The following ZNF367 variants were observed in gnomAD, a reference collection of about 807,000 sequenced individuals.
The protein encoded by ZNF367 is C2H2 zinc finger protein ZFF29.
ZNF367 carries 11 observed loss-of-function variants against 31.8 expected under a neutral mutation model. The observed-to-expected ratio is 0.35, with a 90% confidence interval of 0.22 to 0.57. ZNF367 has a LOEUF of 0.57. Ranked by LOEUF, ZNF367 falls within the 20% of genes least tolerant of loss-of-function variation. The pLI is 0.85. For missense variants in ZNF367, 353 were observed against 484.1 expected, an observed-to-expected ratio of 0.73 and a Z score of 2.54; for synonymous variants, 199 against 202.4, an observed-to-expected ratio of 0.98 and a Z score of 0.14.
At position 96,408,223 on chromosome 9, in the gene ZNF367, T is replaced by TA. The variant is rs1564143951; in HGVS notation, c.420+9389dup. On this transcript the variant is annotated intron_variant, in intron 1 of 4. Coordinates refer to ENST00000375256, the MANE Select transcript of ZNF367 (RefSeq NM_153695.4). ...ACTTAAAGTATAATAAATAAATAAA[T>TA]AATAAATATTTTTTAAAAAACAATG... 1.5e-4 allele frequency among the ~76,000 whole-genome samples: 23 copies of TA among 152,044 alleles called. No individual in the cohort carries two copies. The South Asian group carries it at 4.8e-3, about 32-fold the overall frequency.
At position 96,405,314 on chromosome 9, in the gene ZNF367, C is replaced by CAAAAAA. The variant is rs975848691; in HGVS notation, c.421-7006_421-7001dup. Among the ~76,000 whole-genome samples the CAAAAAA allele has an allele frequency of 2.2e-4, 12 of 55,124 alleles. 1 individual carries two copies. The highest frequency in any genetic ancestry group is 6.7e-4 in the African/African-American group (10 of 14,912). The allele number at this position is 55,124 out of a possible 152,430, so 36.2% of individuals were successfully genotyped here. ...TGGCCAACTAAGCAAAACTCTGTCT[C>CAAAAAA]AAAAAAAAAAAAAAAAAAAAAAATC... On this transcript the variant is annotated intron_variant, in intron 1 of 4. Transcript: ENST00000375256.
At position 96,417,835 on chromosome 9, in the gene ZNF367, G is replaced by T. The variant is rs746257910; in HGVS notation, c.198C>A (p.Phe66Leu). 1 of 1,490,376 alleles carries T rather than the reference G, an allele frequency of 6.7e-7. No homozygotes were observed. Among genetic ancestry groups the T allele is most frequent in the Non-Finnish European group, 8.9e-7 (1 of 1,128,620 alleles). The allele number at this position is 1,490,376 out of a possible 1,614,324, so 92.3% of individuals were successfully genotyped here. ...LIPTSPGFSD[F>L]MVYPWRWGEN... ...CGCCCCAGCGCCACGGGTACACCAT[G>T]AAGTCGCTGAAGCCGGGGCTGGTGG... Residue 66 changes from phenylalanine (F) to leucine (L), a missense_variant, in exon 1 of 5, where the codon TTC (phenylalanine) becomes TTA (leucine). Transcript: ENST00000375256. The surrounding 1 kb of genome is among the most constrained non-coding windows in gnomAD (Gnocchi z 5.0).
At chr9:96,403,845 T>C (rs897443992) in intron 1 of ZNF367, among the ~76,000 whole-genome samples, 9 of 152,194 alleles carry the variant, frequency 5.9e-5, no homozygotes, top group African/African-American at 1.7e-4. Context: ...TACCTTACAC[T>C]ATATACAAAA....
chr9:96,404,456 G>A (rs554864649), intron 1 of ZNF367, among the ~76,000 whole-genome samples: 3 of 152,192 alleles, frequency 2.0e-5, no homozygotes, highest in East Asian at 3.9e-4. Context: ...AGCCGGGCGC[G>A]GTGGCGGGCA....
intron 1 of ZNF367, among the ~76,000 whole-genome samples, chr9:96,416,078 T>TG (rs1174536992): frequency 7.0e-6 from 1 of 142,608 alleles, no homozygotes; most frequent in Non-Finnish European, 1.5e-5. Flanking sequence ...TATGGTTTTT[T>TG]TTTTTGTTGT....
chr9:96,398,604 C>T (rs1479740929), intron 1 of ZNF367, among the ~76,000 whole-genome samples: 5 of 152,282 alleles, frequency 3.3e-5, no homozygotes, highest in Non-Finnish European at 5.9e-5. Context: ...CATCCCTCCA[C>T]AGATGACTAA....
Position 96,387,933 on chromosome 9 carries a change from TGA to T in ZNF367, c.*302_*303del. The T allele has an allele frequency of 3.2e-6, 1 of 308,486 alleles. No homozygotes were observed. Among genetic ancestry groups the T allele is most frequent in the Non-Finnish European group, 5.9e-6 (1 of 168,922 alleles). 19.1% of individuals were successfully genotyped at this position (308,486 alleles called of 1,614,324 possible). A position where few individuals can be genotyped will look rare whatever the true frequency, so the allele number is the denominator to read the frequency against. ...TGTCTTATTCAGAAAGTGCTTCCTG[TGA>T]GAACTGCTTCCAATGAATGCATTAA... On this transcript the variant is annotated 3_prime_UTR_variant, in exon 5 of 5. Coordinates refer to ENST00000375256, the MANE Select transcript of ZNF367 (RefSeq NM_153695.4).
intron 1 of ZNF367, among the ~76,000 whole-genome samples, chr9:96,407,986 A>AATAC (rs1266731163): frequency 1.2e-5 from 1 of 82,154 alleles, no homozygotes; most frequent in Non-Finnish European, 2.3e-5. Flanking sequence ...ACACAAAATA[A>AATAC]ATAAATAAAT....
chr9:96,416,840 A>T (rs140333049), intron 1 of ZNF367, among the ~76,000 whole-genome samples: 24 of 152,312 alleles, frequency 1.6e-4, no homozygotes, highest in Non-Finnish European at 2.2e-4. Context: ...GTTCAGTATA[A>T]GTCAGCAGAA....
intron 2 of ZNF367, among the ~76,000 whole-genome samples, chr9:96,396,562 A>G (rs985640829): frequency 6.6e-6 from 1 of 152,186 alleles, no homozygotes; most frequent in Non-Finnish European, 1.5e-5. Flanking sequence ...AAAATAGGGG[A>G]CTGAGGGTTA....
intron 1 of ZNF367, among the ~76,000 whole-genome samples, chr9:96,408,641 G>C (rs562378100): frequency 6.6e-6 from 1 of 152,316 alleles, no homozygotes; most frequent in East Asian, 1.9e-4. Context: ...AGTTCAGTGA[G>C]TATAGAGTTT....
intron 1 of ZNF367, among the ~76,000 whole-genome samples, chr9:96,409,529 A>AT (rs1391679400): frequency 1.3e-5 from 2 of 152,244 alleles, no homozygotes; most frequent in African/African-American, 4.8e-5. Context: ...TTAGTAACGA[A>AT]TATCTGTTGA....
intron 1 of ZNF367, among the ~76,000 whole-genome samples, chr9:96,406,480 A>T (rs1428778530): frequency 6.6e-6 from 1 of 152,240 alleles, no homozygotes; most frequent in East Asian, 1.9e-4. Context: ...ACCTGATTTC[A>T]GTCTTATACC....
Position 96,387,222 on chromosome 9 carries a change from T to C in ZNF367, c.*1015A>G, listed in dbSNP as rs1277160379. 1 of 152,222 alleles carries C rather than the reference T, an allele frequency of 6.6e-6. No homozygotes were observed. Among genetic ancestry groups the C allele is most frequent in the African/African-American group, 2.4e-5 (1 of 41,466 alleles). 9.4% of individuals were successfully genotyped at this position (152,222 alleles called of 1,614,324 possible). A position where few individuals can be genotyped will look rare whatever the true frequency, so the allele number is the denominator to read the frequency against. On this transcript the variant is annotated 3_prime_UTR_variant, in exon 5 of 5. Transcript: ENST00000375256. Reference sequence around the variant, plus strand: ...GTGAACACAAAATAGCTTGGCATGTTACTCTGAAGTAAAGCAAGAAGGTGG... The same window carrying C: ...GTGAACACAAAATAGCTTGGCATGTCACTCTGAAGTAAAGCAAGAAGGTGG...
At position 96,392,445 on chromosome 9, in the gene ZNF367, G is replaced by C; in HGVS notation, c.783C>G (p.Ser261Arg). The change falls in exon 4 of 5, where the codon AGC becomes AGG. Residue 261 changes from serine to arginine, a missense_variant. By Grantham distance (110) the Ser-to-Arg change is moderately radical. This residue lies in a region of ZNF367 where 101 missense variants were observed against 140.0 expected (regional missense o/e 0.72). Transcript: ENST00000375256. ...CCTTGTTGTCGGCAGCCTGATGTTT[G>C]CTGAGTGTGTCCGTGGGCTCCTCTC... Reference protein sequence around the residue: ...LKREEPTDTLSKHQAADNKAA... With the variant: ...LKREEPTDTLRKHQAADNKAA... The C allele has an allele frequency of 6.2e-7, 1 of 1,614,222 alleles. No homozygotes were observed. The highest frequency in any genetic ancestry group is 8.5e-7 in the Non-Finnish European group (1 of 1,180,032).
intron 3 of ZNF367, 152 bp from the exon 4 acceptor site, chr9:96,392,688 C>CTGATGAGACTGTGCTGGTTTG: frequency 8.5e-7 from 1 of 1,182,710 alleles, no homozygotes; most frequent in Non-Finnish European, 1.2e-6. Flanking sequence ...CAAACCAGCA[C>CTGATGAGACTGTGCTGGTTTG]AGTCTCATCA....
Position 96,394,854 on chromosome 9 carries a change from G to A in ZNF367, c.660C>T (p.Thr220=), listed in dbSNP as rs528851804. The change falls in exon 3 of 5, where the codon ACC becomes ACT. Residue 220 remains threonine (T), a synonymous_variant. Coordinates refer to ENST00000375256, the MANE Select transcript of ZNF367 (RefSeq NM_153695.4). ...GQLKTHQRLH[T]GEKPFVCSEN... ...CTGAACAAACAAAAGGTTTCTCTCC[G>A]GTGTGAAGACGCTGATGTGTTTTGA... 1.5e-5 allele frequency: 24 copies of A among 1,613,896 alleles called. No homozygotes were observed. Among genetic ancestry groups the A allele is most frequent in the African/African-American group, 8.0e-5 (6 of 74,986 alleles).
At chr9:96,403,834 C>T (rs938689336) in intron 1 of ZNF367, among the ~76,000 whole-genome samples, 7 of 152,192 alleles carry the variant, frequency 4.6e-5, no homozygotes, top group African/African-American at 1.4e-4. Context: ...AGTTAGACCC[C>T]TACCTTACAC....
intron 1 of ZNF367, among the ~76,000 whole-genome samples, chr9:96,415,690 G>T (rs139817842): frequency 1.3e-5 from 2 of 151,330 alleles, no homozygotes; most frequent in Non-Finnish European, 2.9e-5. Context: ...TAGAGACAGG[G>T]TTTCACCATG....
Sources: allele counts gnomAD v4.1 joint callset (sites outside exome capture counted in the v4.1 genomes callset), GRCh38; gene constraint gnomAD v4.1.1; regional missense constraint gnomAD v4.1.1; non-coding constraint Gnocchi (gnomAD v3.1); transcripts MANE v1.5; gene names NCBI Gene and HGNC (gene_info 2026-07-23, HGNC 2026-07-21).